PTPRD: variants seen among roughly 807,000 people sequenced by gnomAD.
The protein encoded by PTPRD is receptor-type tyrosine-protein phosphatase delta.
PTPRD carries 34 observed loss-of-function variants against 214.5 expected under a neutral mutation model. That is an observed-to-expected ratio of 0.16 (90% CI 0.12 to 0.21). PTPRD has a LOEUF of 0.21. Ranked by LOEUF, PTPRD falls within the 10% of genes least tolerant of loss-of-function variation. The pLI, the probability that PTPRD is intolerant of heterozygous loss-of-function variation, is 1.00. For synonymous variants in PTPRD, 1,128 were observed against 845.7 expected, an observed-to-expected ratio of 1.33 and a Z score of -5.79; for missense variants, 2,545 against 2,398.7, an observed-to-expected ratio of 1.06 and a Z score of -1.27.
chr9:8,746,965 T>G (rs375372129), intron 11 of PTPRD, among the ~76,000 whole-genome samples: 2 of 151,938 alleles, frequency 1.3e-5, no homozygotes, highest in African/African-American at 4.8e-5. Flanking sequence ...AAGCCAGGAG[T>G]GTGGCTGGCA....
chr9:10,115,461 T>C lies in PTPRD; in HGVS notation c.-544-81671A>G, dbSNP rs530610495. 6.6e-5 allele frequency among the ~76,000 whole-genome samples: 10 copies of C among 152,226 alleles called. No individual in the cohort carries two copies. In the East Asian group the frequency reaches 1.7e-3, roughly 27 times the overall value. On this transcript the variant is annotated intron_variant, in intron 3 of 45. Coordinates refer to ENST00000381196, the MANE Select transcript of PTPRD (RefSeq NM_002839.4). Reference sequence around the variant, plus strand: ...AATTTGAGAACTACTAGTTACATTATGAAATTTAAAAATCAGATCTCTTTG... The same window carrying C: ...AATTTGAGAACTACTAGTTACATTACGAAATTTAAAAATCAGATCTCTTTG...
intron 11 of PTPRD, among the ~76,000 whole-genome samples, chr9:8,963,516 C>G (rs1258532295): frequency 6.6e-6 from 1 of 152,008 alleles, no homozygotes; most frequent in Non-Finnish European, 1.5e-5. Flanking sequence ...TTGAGATGAC[C>G]ATATGGTTTT....
In PTPRD at chr9:8,818,520, G is replaced by A. The variant is rs571371250; in HGVS notation, c.-103-84574C>T. Among the ~76,000 whole-genome samples the A allele has an allele frequency of 3.9e-5, 6 of 152,220 alleles. No individual in the cohort carries two copies. In the East Asian group the frequency reaches 1.2e-3, roughly 29 times the overall value. On this transcript the variant is annotated intron_variant, in intron 11 of 45. Coordinates refer to ENST00000381196, the MANE Select transcript of PTPRD (RefSeq NM_002839.4). ...TATACAAATGTCTTCAATTCTCACA[G>A]TAATTAAGGTGAGGTTATTCTCATT... is the stretch of plus-strand genomic sequence containing the variant.
At chr9:9,920,405 G>A (rs954923360) in intron 5 of PTPRD, among the ~76,000 whole-genome samples, 1 of 152,024 alleles carries the variant, frequency 6.6e-6, no homozygotes, top group Non-Finnish European at 1.5e-5. Flanking sequence ...CAATTCGAAG[G>A]AATCTATTTC....
At chr9:10,151,282 A>ATTTTT in intron 3 of PTPRD, among the ~76,000 whole-genome samples, 2 of 40,290 alleles carry the variant, frequency 5.0e-5, no homozygotes, top group Admixed American at 3.8e-4. Context: ...TTTTTTTTTG[A>ATTTTT]GACAAGAGTC....
In PTPRD at chr9:9,735,850, T is replaced by G. The variant is rs147543637; in HGVS notation, c.-325-1279A>C. Among the ~76,000 whole-genome samples, 646 of 152,254 alleles carry G rather than the reference T, an allele frequency of 4.2e-3. 4 individuals carry two copies. The highest frequency in any genetic ancestry group is 0.014 in the African/African-American group (601 of 41,564). On this transcript the variant is annotated intron_variant, in intron 6 of 45. Coordinates refer to ENST00000381196, the MANE Select transcript of PTPRD (RefSeq NM_002839.4). ...CATTCTTTTATTGTCATATTTTAAGTTATTTCTTTGCGGTGCGTTATAAAC... is the reference window on the plus strand; with the variant it reads ...CATTCTTTTATTGTCATATTTTAAGGTATTTCTTTGCGGTGCGTTATAAAC...
chr9:9,685,723 G>C lies in PTPRD; in HGVS notation c.-287+48810C>G, dbSNP rs370922953. On this transcript the variant is annotated intron_variant, in intron 7 of 45. Transcript: ENST00000381196. ...CATTACCCAGAAAAAAAAAAACTTT[G>C]AAAAGTAAACCAGAATATTTTAGCA... 7.0e-4 allele frequency among the ~76,000 whole-genome samples: 106 copies of C among 150,724 alleles called. 1 individual carries two copies. The South Asian group carries it at 0.013, about 19-fold the overall frequency.
chr9:10,322,961 T>A (rs10959043), intron 3 of PTPRD, among the ~76,000 whole-genome samples: 6 of 151,682 alleles, frequency 4.0e-5, no homozygotes, highest in African/African-American at 1.5e-4. Flanking sequence ...AAAGTAACTA[T>A]GGGGAAGATA....
intron 37 of PTPRD, among the ~76,000 whole-genome samples, chr9:8,386,322 A>ATCTTC (rs2087021409): frequency 6.6e-6 from 1 of 152,014 alleles, no homozygotes; most frequent in African/African-American, 2.4e-5. Flanking sequence ...ATATCAAGCT[A>ATCTTC]TCTTCTCTTC....
chr9:8,913,535 TA>T (rs1306307028), intron 11 of PTPRD, among the ~76,000 whole-genome samples: 1 of 152,166 alleles, frequency 6.6e-6, no homozygotes, highest in African/African-American at 2.4e-5. Context: ...GCATAGCTCA[TA>T]TTTTTTTCTT....
At chr9:10,290,454 T>G (rs2095494979) in intron 3 of PTPRD, among the ~76,000 whole-genome samples, 1 of 152,294 alleles carries the variant, frequency 6.6e-6, no homozygotes, top group African/African-American at 2.4e-5. Context: ...ATTATGGTAC[T>G]ACATGAGAAA....
chr9:10,227,943 C>T (rs190084499), intron 3 of PTPRD, among the ~76,000 whole-genome samples: 3 of 152,050 alleles, frequency 2.0e-5, no homozygotes, highest in Non-Finnish European at 2.9e-5. Context: ...ACTCAAAACT[C>T]TTTCCAGTCA....
At chr9:9,033,941 G>A in intron 10 of PTPRD, among the ~76,000 whole-genome samples, 1 of 152,164 alleles carries the variant, frequency 6.6e-6, no homozygotes, top group East Asian at 1.9e-4. Flanking sequence ...CTCACTCAGG[G>A]GGAAACTCCA....
chr9:10,500,133 A>G (rs2043216289), intron 2 of PTPRD, among the ~76,000 whole-genome samples: 1 of 151,918 alleles, frequency 6.6e-6, no homozygotes, highest in Non-Finnish European at 1.5e-5. Flanking sequence ...GGCTTCAATA[A>G]TACATTTATT....
chr9:10,428,510 GTTTAC>G (rs1367833744), intron 2 of PTPRD, among the ~76,000 whole-genome samples: 1 of 151,878 alleles, frequency 6.6e-6, no homozygotes, highest in Non-Finnish European at 1.5e-5. Flanking sequence ...TGATACCTAT[GTTTAC>G]TTTATATTTT....
chr9:10,323,092 G>A (rs1023985307), intron 3 of PTPRD, among the ~76,000 whole-genome samples: 1 of 151,660 alleles, frequency 6.6e-6, no homozygotes, highest in Non-Finnish European at 1.5e-5. Context: ...CATTTAAAGA[G>A]GAAAAATGAA....
At chr9:8,925,267 A>G (rs9644894) in intron 11 of PTPRD, among the ~76,000 whole-genome samples, 62,270 of 151,774 alleles carry the variant, frequency 0.41, 13,332 homozygotes, top group African/African-American at 0.54. Context: ...CTTATTGGTC[A>G]CCTTCCTACA....
In PTPRD at chr9:8,670,293, A is replaced by G. The variant is rs145773874; in HGVS notation, c.65-33449T>C. Among the ~76,000 whole-genome samples the G allele has an allele frequency of 2.8e-3, 430 of 152,220 alleles. 5 individuals are homozygous for G. The highest frequency in any genetic ancestry group is 0.019 in the East Asian group (99 of 5,160). On this transcript the variant is annotated intron_variant, in intron 12 of 45. Transcript: ENST00000381196. ...CTGCTATTTTGTATCCTCTTGACCT[A>G]TATCTCCCATTTCCTTTCCCTCCCC...
intron 9 of PTPRD, among the ~76,000 whole-genome samples, chr9:9,381,312 C>T (rs918717018): frequency 1.3e-5 from 2 of 150,452 alleles, no homozygotes; most frequent in African/African-American, 4.9e-5. Context: ...TTTAATTGTA[C>T]ATTTATACGA....
Sources: gnomAD v4.1 joint callset for allele counts (sites outside exome capture counted in the v4.1 genomes callset) on GRCh38, gnomAD v4.1.1 for gene constraint, MANE v1.5 for transcripts, NCBI Gene and HGNC (gene_info 2026-07-23, HGNC 2026-07-21) for gene names.